Variants in PRSS12 observed in about 807,000 individuals in gnomAD.
The protein encoded by PRSS12 is serine protease 12.
A neutral mutation model predicts 104.4 loss-of-function variants in PRSS12; 85 were observed. The observed-to-expected ratio is 0.81, with a 90% CI of 0.68 to 0.98. The LOEUF is 0.98. Ranked by LOEUF, PRSS12 falls within the 50% of genes least tolerant of loss-of-function variation. The pLI is 0.00. For synonymous variants in PRSS12, 454 were observed against 425.2 expected (o/e 1.07, Z -0.83); for missense variants, 1,141 against 1,139.2 (o/e 1.00, Z -0.02).
chr4:118,290,474 T>C (rs906083201), intron 11 of PRSS12, among the ~76,000 whole-genome samples: 2 of 152,172 alleles, frequency 1.3e-5, no homozygotes, highest in Non-Finnish European at 2.9e-5. Context: ...CTTATTCTTC[T>C]CCATTAGTAA....
chr4:118,330,941 AT>A (rs67022663), intron 4 of PRSS12, among the ~76,000 whole-genome samples: 84,735 of 151,620 alleles, frequency 0.56, 24,909 homozygotes, highest in Admixed American at 0.72. Flanking sequence ...ACTGAACACA[AT>A]GAACAGGGAA....
chr4:118,307,705 T>G (rs1187434312), intron 8 of PRSS12, among the ~76,000 whole-genome samples: 1 of 152,118 alleles, frequency 6.6e-6, no homozygotes, highest in African/African-American at 2.4e-5. Context: ...TAAACAAGTG[T>G]CCTTTTCACA....
intron 8 of PRSS12, among the ~76,000 whole-genome samples, chr4:118,305,278 G>A (rs932955206): frequency 5.9e-5 from 9 of 151,734 alleles, no homozygotes; most frequent in Admixed American, 4.6e-4. Flanking sequence ...ATGGCAAATT[G>A]CAGATTATGT....
chr4:118,344,920 G>A (rs1724319741), intron 1 of PRSS12, among the ~76,000 whole-genome samples: 1 of 152,030 alleles, frequency 6.6e-6, no homozygotes, highest in Non-Finnish European at 1.5e-5. Context: ...TAAACAAATG[G>A]TATGGGTATT....
At chr4:118,295,136 G>A in intron 10 of PRSS12, 75 bp from the exon 11 acceptor site, 1 of 1,543,972 alleles carries the variant, frequency 6.5e-7, no homozygotes, top group East Asian at 2.3e-5. Context: ...TTAAAGCAAT[G>A]GCTTTAATAA....
intron 1 of PRSS12, among the ~76,000 whole-genome samples, chr4:118,340,353 A>G (rs1724169783): frequency 1.3e-5 from 2 of 152,176 alleles, no homozygotes; most frequent in Non-Finnish European, 2.9e-5. Context: ...GCAATTCTTA[A>G]AAGGCAATTT....
chr4:118,312,247 C>T (rs770600534), intron 7 of PRSS12, among the ~76,000 whole-genome samples: 6 of 151,970 alleles, frequency 3.9e-5, no homozygotes, highest in South Asian at 2.1e-4. Context: ...TACTTTATAA[C>T]ATGAAGATTT....
chr4:118,328,027 G>A (rs924716244), intron 4 of PRSS12, among the ~76,000 whole-genome samples: 6 of 152,170 alleles, frequency 3.9e-5, no homozygotes, highest in African/African-American at 1.4e-4. Context: ...AAACTGAGAT[G>A]AAATTTGCTT....
intron 8 of PRSS12, among the ~76,000 whole-genome samples, chr4:118,299,755 T>TAAATAAATA (rs1743351093): frequency 6.1e-5 from 5 of 81,348 alleles, no homozygotes; most frequent in Admixed American, 1.4e-4. Context: ...ATAAATAAAA[T>TAAATAAATA]AAATAAAATT....
At chr4:118,316,837 A>AAATATATATATATATATATATAT (rs35698159) in intron 5 of PRSS12, among the ~76,000 whole-genome samples, 3 of 99,192 alleles carry the variant, frequency 3.0e-5, no homozygotes, top group Non-Finnish European at 6.1e-5. Flanking sequence ...AAAAAAAAAA[A>AAATATATATATATATATATATAT]ATATATATAT....
In PRSS12 at chr4:118,283,130, T is replaced by G. The variant is rs892247631; in HGVS notation, c.2040-19A>C. 1.2e-6 allele frequency: 2 copies of G among 1,613,424 alleles called. No homozygotes were observed. Among genetic ancestry groups the G allele is most frequent in the Admixed American group, 1.7e-5 (1 of 60,028 alleles). On this transcript the variant is annotated intron_variant, in intron 11 of 12. Coordinates refer to ENST00000296498, the MANE Select transcript of PRSS12 (RefSeq NM_003619.4). ...GCCATACCTGAGAGGCAGAGAGTAC[T>G]AATGAGAGACTTGCTTCAGATACTG...
intron 11 of PRSS12, among the ~76,000 whole-genome samples, chr4:118,288,959 G>A (rs1340959465): frequency 6.6e-6 from 1 of 152,214 alleles, no homozygotes; most frequent in Non-Finnish European, 1.5e-5. Context: ...AGGTGCGCTT[G>A]TTACATTGGC....
At chr4:118,297,393 T>C (rs1202590624) in intron 9 of PRSS12, among the ~76,000 whole-genome samples, 1 of 152,122 alleles carries the variant, frequency 6.6e-6, no homozygotes, top group Non-Finnish European at 1.5e-5. Context: ...TTATATCCCA[T>C]TTGTAATGGT....
In PRSS12 at chr4:118,318,398, ACT is replaced by A; in HGVS notation, c.1128_1129del (p.Ser378LeufsTer19). On this transcript the variant is annotated frameshift_variant, in exon 5 of 13. Coordinates refer to ENST00000296498, the MANE Select transcript of PRSS12 (RefSeq NM_003619.4). LOFTEE classifies it high-confidence loss of function. ...CTTACCTGTTAGAGGGGTACAGGAC[ACT>A]CCAGCATCTTCTTTATGGCCACAGT... The A allele has an allele frequency of 6.2e-7, 1 of 1,613,974 alleles. No homozygotes were observed. The highest frequency in any genetic ancestry group is 8.5e-7 in the Non-Finnish European group (1 of 1,179,938).
intron 4 of PRSS12, among the ~76,000 whole-genome samples, chr4:118,321,212 G>C (rs894374931): frequency 2.0e-5 from 3 of 152,190 alleles, no homozygotes; most frequent in Non-Finnish European, 4.4e-5. Flanking sequence ...GAAATGTAAT[G>C]ACAAAACAGA....
At chr4:118,345,500 C>G (rs1320230436) in intron 1 of PRSS12, among the ~76,000 whole-genome samples, 1 of 152,090 alleles carries the variant, frequency 6.6e-6, no homozygotes, top group Non-Finnish European at 1.5e-5. Context: ...AGAGAGGCTT[C>G]AAAGGACTGC....
chr4:118,298,741 C>G lies in PRSS12; in HGVS notation c.1829G>C (p.Ser610Thr), dbSNP rs938689371. ...DYFGKKASGN[S>T]NKESLSSVCG... The stretch of plus-strand genomic sequence containing the variant: ...TCCAGAAGGTGACTTACCTTTATTA[C>G]TGTTACCTGAGGCCTTCTTGCCAAA... Residue 610 changes from serine (S) to threonine (T), a missense_variant, in exon 9 of 13, where the codon AGT (serine) becomes ACT (threonine). Physicochemically the swap from Ser to Thr is moderately conservative, Grantham distance 58. Coordinates refer to ENST00000296498, the MANE Select transcript of PRSS12 (RefSeq NM_003619.4). 1 of 1,614,158 alleles carries G rather than the reference C, an allele frequency of 6.2e-7. No homozygotes were observed. Among genetic ancestry groups the G allele is most frequent in the African/African-American group, 1.3e-5 (1 of 75,058 alleles).
chr4:118,292,017 G>T (rs150418230), intron 11 of PRSS12, among the ~76,000 whole-genome samples: 1 of 151,694 alleles, frequency 6.6e-6, no homozygotes, highest in Non-Finnish European at 1.5e-5. Flanking sequence ...GATGACACGC[G>T]TATACCTATG....
At chr4:118,308,410 A>G (rs796162894) in intron 8 of PRSS12, 26 bp downstream of exon 8, 1 of 1,613,740 alleles carries the variant, frequency 6.2e-7, no homozygotes. Flanking sequence ...ATCAGTAACC[A>G]TCCCAAATAA....
Sources: gnomAD v4.1 joint callset for allele counts (sites outside exome capture counted in the v4.1 genomes callset) on GRCh38, gnomAD v4.1.1 for gene constraint, MANE v1.5 for transcripts, NCBI Gene and HGNC (gene_info 2026-07-23, HGNC 2026-07-21) for gene names.